The following ACACA variants were observed in gnomAD, a reference collection of about 807,000 sequenced individuals.
ACACA encodes acetyl-CoA carboxylase alpha, also known as acetyl-CoA carboxylase 1.
A neutral mutation model predicts 296.1 loss-of-function variants in ACACA; 103 were observed. The observed-to-expected ratio is 0.35, with a 90% CI of 0.30 to 0.41. ACACA has a LOEUF of 0.41. Among genes scored for constraint, ACACA ranks in the 10% least tolerant of loss-of-function variants. ACACA has a pLI of 1.00. For missense variants in ACACA, 1,554 were observed against 2,989.7 expected, an observed-to-expected ratio of 0.52 and a Z score of 11.20; for synonymous variants, 953 against 1,038.6, an observed-to-expected ratio of 0.92 and a Z score of 1.58.
intron 35 of ACACA, among the ~76,000 whole-genome samples, chr17:37,196,817 C>CT (rs2078023200): frequency 6.6e-6 from 1 of 151,934 alleles, no homozygotes; most frequent in African/African-American, 2.4e-5. Context: ...AGACTTTGAT[C>CT]TTTTTTCTTT....
intron 7 of ACACA, 120 bp downstream of exon 7, chr17:37,276,913 G>GA (rs112969915): frequency 0.019 from 16,144 of 861,614 alleles, 248 homozygotes; most frequent in Non-Finnish European, 0.02. Flanking sequence ...TAGATTGAGG[G>GA]AAAAAAAAAG....
chr17:37,096,388 T>G (rs2142694785), intron 54 of ACACA, among the ~76,000 whole-genome samples: 1 of 152,310 alleles, frequency 6.6e-6, no homozygotes, highest in African/African-American at 2.4e-5. Context: ...TGATGCATGT[T>G]ACTCTTACTC....
chr17:37,121,320 G>C, intron 50 of ACACA, 35 bp downstream of exon 50: 3 of 1,613,710 alleles, frequency 1.9e-6, no homozygotes, highest in South Asian at 1.1e-5. Flanking sequence ...CCAGTAATCA[G>C]TGATGCCCCT....
chr17:37,268,737 C>CTATATATATATATA (rs1302264722), intron 10 of ACACA, among the ~76,000 whole-genome samples: 47 of 70,890 alleles, frequency 6.6e-4, no homozygotes, highest in African/African-American at 2.7e-3. Flanking sequence ...ATCTATCTAT[C>CTATATATATATATA]TATCTATATA....
At chr17:37,301,875 TGTG>T (rs1428851139) in intron 3 of ACACA, among the ~76,000 whole-genome samples, 1 of 152,232 alleles carries the variant, frequency 6.6e-6, no homozygotes, top group Non-Finnish European at 1.5e-5. Context: ...TGATATGGAC[TGTG>T]AATTTATGAT....
At chr17:37,087,826 G>A (rs1209810812) in intron 55 of ACACA, among the ~76,000 whole-genome samples, 2 of 152,212 alleles carry the variant, frequency 1.3e-5, no homozygotes, top group Non-Finnish European at 2.9e-5. Flanking sequence ...TGAGGACTGA[G>A]TGGTGACTGG....
chr17:37,242,468 C>G (rs774949952), intron 22 of ACACA, among the ~76,000 whole-genome samples: 1 of 152,156 alleles, frequency 6.6e-6, no homozygotes, highest in Non-Finnish European at 1.5e-5. Flanking sequence ...TGGCTCACAC[C>G]TGTAACCTCA....
At chr17:37,399,419 T>C (rs2051207976) in intron 1 of ACACA, among the ~76,000 whole-genome samples, 1 of 152,230 alleles carries the variant, frequency 6.6e-6, no homozygotes, top group Non-Finnish European at 1.5e-5. Flanking sequence ...CACCTGTTGG[T>C]TGCACAAGAG....
At chr17:37,276,730 T>C (rs768208354) in intron 7 of ACACA, among the ~76,000 whole-genome samples, 1 of 152,200 alleles carries the variant, frequency 6.6e-6, no homozygotes, top group African/African-American at 2.4e-5. Flanking sequence ...TTTTCCCACA[T>C]GCTTTCTTAA....
intron 47 of ACACA, among the ~76,000 whole-genome samples, chr17:37,128,973 G>C (rs1232505564): frequency 6.6e-6 from 1 of 152,104 alleles, no homozygotes; most frequent in Non-Finnish European, 1.5e-5. Flanking sequence ...AAACGAAACT[G>C]ATTAATCTCT....
intron 1 of ACACA, among the ~76,000 whole-genome samples, chr17:37,372,413 GA>G (rs71135711): frequency 0.019 from 1,698 of 89,644 alleles, 17 homozygotes; most frequent in Middle Eastern, 0.079. Context: ...ACTCTGTCTC[GA>G]AAAAAAAAAA....
At chr17:37,094,114 T>A (rs1253312400) in intron 54 of ACACA, among the ~76,000 whole-genome samples, 1 of 152,222 alleles carries the variant, frequency 6.6e-6, no homozygotes, top group Non-Finnish European at 1.5e-5. Flanking sequence ...CATGTTCTTA[T>A]GACCCAATTT....
chr17:37,142,502 A>G (rs2075632995), intron 45 of ACACA, among the ~76,000 whole-genome samples: 1 of 152,266 alleles, frequency 6.6e-6, no homozygotes, highest in Non-Finnish European at 1.5e-5. Flanking sequence ...ATTTCTGAGA[A>G]TTCATTCATA....
Position 37,097,087 on chromosome 17 carries a change from T to A in ACACA, c.6800A>T (p.Lys2267Met). 1 of 1,614,186 alleles carries A rather than the reference T, an allele frequency of 6.2e-7. No individual in the cohort carries two copies. Among genetic ancestry groups the A allele is most frequent in the South Asian group, 1.1e-5 (1 of 91,086 alleles). Residue 2267 changes from lysine (K) to methionine (M), a missense_variant, in exon 54 of 56, where the codon AAG becomes ATG. Lys to Met is a moderately conservative substitution (Grantham distance 95). Around this residue, in one of 16 missense-constraint regions of ACACA, gnomAD observed 553 missense variants for 1,043.6 expected, o/e 0.53. Coordinates refer to ENST00000616317, the MANE Select transcript of ACACA (RefSeq NM_198834.3). This position sits in a 1 kb window ranked among gnomAD's most constrained non-coding sequence, Gnocchi z 4.8. ...RRLLLEDLVK[K>M]KIHNANPELT... is the part of the protein sequence containing the mutation. Reference sequence around the variant, plus strand: ...CTCAGGGTTGGCATTGTGGATTTTCTTCTTGACCAGGTCCTCCAGCAGAAG... The same window carrying A: ...CTCAGGGTTGGCATTGTGGATTTTCATCTTGACCAGGTCCTCCAGCAGAAG...
Position 37,226,378 on chromosome 17 carries a change from A to G in ACACA, c.3321T>C (p.Ser1107=). The G allele has an allele frequency of 6.2e-7, 1 of 1,614,190 alleles. No homozygotes were observed. Among genetic ancestry groups the G allele is most frequent in the Non-Finnish European group, 8.5e-7 (1 of 1,180,034 alleles). ...LNILTELTQL[S]KTTNAKVALR... is the part of the protein sequence containing the mutation. ...GTGCTACTTTGGCATTGGTGGTCTT[A>G]CTGAGTTGAGTTAGCTCTGTGAGAA... Residue 1107 remains serine (S), a synonymous_variant, in exon 26 of 56, where the codon AGT becomes AGC. Transcript: ENST00000616317.
At chr17:37,308,724 G>A (rs372086282) in intron 3 of ACACA, among the ~76,000 whole-genome samples, 4 of 152,076 alleles carry the variant, frequency 2.6e-5, no homozygotes, top group African/African-American at 9.7e-5. Flanking sequence ...GATCATTTGA[G>A]GTCAGGAGTT....
Position 37,157,144 on chromosome 17 carries a change from C to T in ACACA, c.5350-1364G>A, listed in dbSNP as rs981080987. 3.8e-4 allele frequency among the ~76,000 whole-genome samples: 58 copies of T among 152,230 alleles called. 1 individual carries two copies. Among genetic ancestry groups the T allele is most frequent in the Middle Eastern group, 3.4e-3 (1 of 294 alleles). ...CAAAATGAAAGAGAAGGTAGACAGT[C>T]GAACTTTTAGAAAAAATAACCAAGG... On this transcript the variant is annotated intron_variant, in intron 42 of 55. Transcript: ENST00000616317.
At chr17:37,253,264 C>T (rs561400294) in intron 14 of ACACA, among the ~76,000 whole-genome samples, 4 of 151,814 alleles carry the variant, frequency 2.6e-5, no homozygotes, top group African/African-American at 9.7e-5. Context: ...TGGTGGCGGG[C>T]GCCTGTAGTC....
At chr17:37,247,844 A>C in intron 18 of ACACA, 167 bp downstream of exon 18, 1 of 739,460 alleles carries the variant, frequency 1.4e-6, no homozygotes, top group South Asian at 1.8e-5. Flanking sequence ...TTTTAATTAT[A>C]AACACTTTAA....
Sources: gnomAD v4.1 joint callset for allele counts (sites outside exome capture counted in the v4.1 genomes callset) on GRCh38, gnomAD v4.1.1 for gene constraint, gnomAD v4.1.1 regional missense constraint, Gnocchi (gnomAD v3.1) non-coding constraint, MANE v1.5 for transcripts, NCBI Gene and HGNC (gene_info 2026-07-23, HGNC 2026-07-21) for gene names.